ARSD: variants seen among roughly 807,000 people sequenced by gnomAD.
ARSD encodes arylsulfatase D.
Under a neutral mutation model 32.6 loss-of-function variants are expected in ARSD, and 21 were observed. The ratio of observed to expected loss-of-function variants is 0.64; its 90% CI spans 0.46 to 0.93. The LOEUF (loss-of-function observed/expected upper bound fraction) is 0.93. Ranked by LOEUF, ARSD falls within the 40% of genes least tolerant of loss-of-function variation. ARSD has a pLI of 0.00. For missense variants in ARSD, 454 were observed against 520.9 expected (o/e 0.87, Z 1.25); for synonymous variants, 224 against 237.4 (o/e 0.94, Z 0.52).
In ARSD at chrX:2,907,371, T is replaced by C; in HGVS notation, c.1682A>G (p.Gln561Arg). Reference sequence around the variant, plus strand: ...CCACAGGATGTTGCTCATGGAAAACTGCTGGGGCACAGGACTCAGGGTCTG... The same window carrying C: ...CCACAGGATGTTGCTCATGGAAAACCGCTGGGGCACAGGACTCAGGGTCTG... ...HRQTLSPVPQ[Q>R]FSMSNILWKP... The change falls in exon 10 of 10, where the codon CAG becomes CGG. Residue 561 changes from glutamine (Q) to arginine (R), a missense_variant. Gln to Arg is a conservative substitution (Grantham distance 43). Around this residue, in one of 3 missense-constraint regions of ARSD, gnomAD observed 179 missense variants for 198.5 expected, o/e 0.90. Coordinates refer to ENST00000381154, the MANE Select transcript of ARSD (RefSeq NM_001669.4). 8.3e-7 allele frequency: 1 copy of C among 1,212,119 alleles called. No homozygotes were observed. Among genetic ancestry groups the C allele is most frequent in the South Asian group, 1.8e-5 (1 of 56,995 alleles).
rs370213978 is a variant in ARSD at position 2,910,809 on chromosome X, A to G, written c.1001-16T>C. The G allele has an allele frequency of 1.3e-4, 154 of 1,203,553 alleles. No homozygotes were observed. The African/African-American group carries it at 2.5e-3, about 19-fold the overall frequency. On this transcript the variant is annotated splice_polypyrimidine_tract_variant and intron_variant, in intron 6 of 9. Transcript: ENST00000381154. ...AGAACCTTACCTTTACAGAAAATGG[A>G]AAGTTTCAGGACCAAGAAAACAAAG...
intron 5 of ARSD, 38 bp downstream of exon 5, chrX:2,917,766 C>A (rs376689695): frequency 8.6e-7 from 1 of 1,164,165 alleles, no homozygotes; most frequent in Non-Finnish European, 1.2e-6. Flanking sequence ...CCATCGCGTC[C>A]GGCCCCATCT....
intron 2 of ARSD, among the ~76,000 whole-genome samples, chrX:2,924,233 C>T (rs1303061209): frequency 8.8e-6 from 1 of 113,110 alleles, no homozygotes; most frequent in Non-Finnish European, 1.9e-5. Flanking sequence ...AGGGTTTTGC[C>T]ATGTTGCCCA....
chrX:2,918,098 G>A lies in ARSD; in HGVS notation c.569C>T (p.Pro190Leu). The A allele has an allele frequency of 1.7e-6, 2 of 1,201,204 alleles. No homozygotes were observed. The highest frequency in any genetic ancestry group is 2.2e-6 in the Non-Finnish European group (2 of 889,837). Residue 190 changes from proline to leucine, a missense_variant, in exon 5 of 10, where the codon CCC (proline) becomes CTC (leucine). Physicochemically the swap from Pro to Leu is moderately conservative, Grantham distance 98 (BLOSUM62 -3). This residue lies in a region of ARSD where 271 missense variants were observed against 301.0 expected (regional missense o/e 0.90). Coordinates refer to ENST00000381154, the MANE Select transcript of ARSD (RefSeq NM_001669.4). ...CGCCCTCAGGGCGGCGTCCACTTCG[G>A]GGGGCCTGCCTGGGTCACAGTCGTT... Reference protein sequence around the residue: ...LTNDCDPGRPPEVDAALRAQL... With the variant: ...LTNDCDPGRPLEVDAALRAQL...
Position 2,907,155 on chromosome X carries a change from T to A in ARSD, c.*116A>T. ...AGAAAGAAAGAAAGTGGGGACCCAC[T>A]CTCAGTCCAGGGCATGTTCCTTGCA... On this transcript the variant is annotated 3_prime_UTR_variant, in exon 10 of 10. Transcript: ENST00000381154. 1 of 692,141 alleles carries A rather than the reference T, an allele frequency of 1.4e-6. No individual in the cohort carries two copies. The allele number at this position is 692,141 out of a possible 1,213,427, so 57.0% of individuals were successfully genotyped here. A position where few individuals can be genotyped will look rare whatever the true frequency, so the allele number is the denominator to read the frequency against.
chrX:2,918,060 A>T lies in ARSD; in HGVS notation c.607T>A (p.Tyr203Asn). Residue 203 changes from tyrosine to asparagine, a missense_variant, in exon 5 of 10, where the codon TAC becomes AAC. Around this residue, in one of 3 missense-constraint regions of ARSD, gnomAD observed 271 missense variants for 301.0 expected, o/e 0.90. Coordinates refer to ENST00000381154, the MANE Select transcript of ARSD (RefSeq NM_001669.4). ...ATCCCCAGCGCCAGGAACTGGGTGTAACCCCAGAGCTGCGCCCTCAGGGCG... is the reference window on the plus strand; with the variant it reads ...ATCCCCAGCGCCAGGAACTGGGTGTTACCCCAGAGCTGCGCCCTCAGGGCG... The part of the protein sequence containing the change: ...DAALRAQLWG[Y>N]TQFLALGILT... The T allele has an allele frequency of 8.3e-7, 1 of 1,201,876 alleles. No individual in the cohort carries two copies. Among genetic ancestry groups the T allele is most frequent in the Non-Finnish European group, 1.1e-6 (1 of 890,343 alleles).
chrX:2,912,320 C>A (rs376561042), intron 6 of ARSD, among the ~76,000 whole-genome samples: 1 of 111,594 alleles, frequency 9.0e-6, no homozygotes, highest in Non-Finnish European at 1.9e-5. Context: ...AACTCAACCA[C>A]CTGCCAATCA....
chrX:2,927,544 C>CG (rs1190721735), intron 1 of ARSD, among the ~76,000 whole-genome samples: 1 of 111,989 alleles, frequency 8.9e-6, no homozygotes, highest in Non-Finnish European at 1.9e-5. Flanking sequence ...CCACCCGTCT[C>CG]GGCCTCCCAA....
At chrX:2,922,304 G>C (rs1245991654) in intron 2 of ARSD, among the ~76,000 whole-genome samples, 1 of 110,628 alleles carries the variant, frequency 9.0e-6, no homozygotes, top group Non-Finnish European at 1.9e-5. Flanking sequence ...TTTCTGGGGA[G>C]AGCAGGGCAG....
At chrX:2,914,684 T>C (rs144880674) in intron 6 of ARSD, 47 of 1,025,920 alleles carry the variant, frequency 4.6e-5, no homozygotes, top group South Asian at 5.5e-5. Flanking sequence ...TTGAAGGCCA[T>C]AGAAGGAAGA....
chrX:2,928,168 G>T (rs2089104445), intron 1 of ARSD, among the ~76,000 whole-genome samples: 1 of 110,308 alleles, frequency 9.1e-6, no homozygotes, highest in Non-Finnish European at 1.9e-5. Flanking sequence ...CGCATCTGAG[G>T]AAGTGCAGCG....
intron 1 of ARSD, among the ~76,000 whole-genome samples, 181 bp downstream of exon 1, chrX:2,929,051 G>A (rs2089123112): frequency 8.9e-6 from 1 of 112,182 alleles, no homozygotes; most frequent in Non-Finnish European, 1.9e-5. Flanking sequence ...GCTGTCTGGC[G>A]TCTTTCCCGG....
chrX:2,913,477 G>A, intron 6 of ARSD: 10 of 910,803 alleles, frequency 1.1e-5, no homozygotes, highest in Non-Finnish European at 1.2e-5. Context: ...GGTTGTGGGG[G>A]GCCTTCGAAT....
intron 9 of ARSD, 74 bp from the exon 10 acceptor site, chrX:2,907,706 C>T: frequency 4.6e-6 from 5 of 1,078,282 alleles, no homozygotes; most frequent in Non-Finnish European, 6.0e-6. Context: ...AGGTGTCGGC[C>T]CTGTGGTATC....
intron 6 of ARSD, among the ~76,000 whole-genome samples, chrX:2,912,159 T>C (rs779280002): frequency 9.0e-6 from 1 of 111,474 alleles, no homozygotes; most frequent in Non-Finnish European, 1.9e-5. Flanking sequence ...AAAAGACTGA[T>C]AGAACAGACT....
chrX:2,907,716 C>T (rs2088864251), intron 9 of ARSD, 84 bp from the exon 10 acceptor site: 13 of 1,073,020 alleles, frequency 1.2e-5, no homozygotes, highest in Non-Finnish European at 1.4e-5. Context: ...CCTGTGGTAT[C>T]AGCATGAACC....
rs147575641 is a variant in ARSD at position 2,908,966 on chromosome X, T to A, written c.1299-124A>T. 6.9e-3 allele frequency: 7,007 copies of A among 1,016,588 alleles called. 26 individuals carry two copies. The highest frequency in any genetic ancestry group is 7.7e-3 in the Non-Finnish European group (5,745 of 749,632). The allele number at this position is 1,016,588 out of a possible 1,213,427, so 83.8% of individuals were successfully genotyped here. On this transcript the variant is annotated intron_variant, in intron 8 of 9. Coordinates refer to ENST00000381154, the MANE Select transcript of ARSD (RefSeq NM_001669.4). ...GCAAATGGAGCAGAGATGAGCTGTC[T>A]CTCCAGTCGCTGTTCAGATTACAGG...
rs1603461177 is a variant in ARSD at position 2,917,966 on chromosome X, G to C, written c.701C>G (p.Ala234Gly). 8.3e-7 allele frequency: 1 copy of C among 1,211,580 alleles called. No homozygotes were observed. Among genetic ancestry groups the C allele is most frequent in the African/African-American group, 1.7e-5 (1 of 58,016 alleles). ...SVSARAVTGM[A>G]GVGCLFFISW... ...GATGAAAAACAGGCAGCCCACGCCG[G>C]CCATGCCGGTGACTGCTCTCGCGGA... The change falls in exon 5 of 10, where the codon GCC becomes GGC. Residue 234 changes from alanine to glycine, a missense_variant. Around this residue, in one of 3 missense-constraint regions of ARSD, gnomAD observed 271 missense variants for 301.0 expected, o/e 0.90. Transcript: ENST00000381154.
chrX:2,926,961 T>C (rs1421470155), intron 1 of ARSD, among the ~76,000 whole-genome samples: 1 of 107,348 alleles, frequency 9.3e-6, no homozygotes, highest in Admixed American at 1.0e-4. Context: ...GGATCGTGGC[T>C]GTGCTCTCCG....
Sources: allele counts gnomAD v4.1 joint callset (sites outside exome capture counted in the v4.1 genomes callset), GRCh38; gene constraint gnomAD v4.1.1; regional missense constraint gnomAD v4.1.1; transcripts MANE v1.5; gene names NCBI Gene and HGNC (gene_info 2026-07-23, HGNC 2026-07-21).